NCOA1: variants seen among roughly 807,000 people sequenced by gnomAD.
NCOA1 encodes nuclear receptor coactivator 1, also known as Hin-2 protein.
Under a neutral mutation model 150.9 loss-of-function variants are expected in NCOA1, and 35 were observed. That is an observed-to-expected ratio of 0.23 (90% CI 0.18 to 0.31). NCOA1 has a LOEUF of 0.31. Ranked by LOEUF, NCOA1 falls within the 10% of genes least tolerant of loss-of-function variation. NCOA1 has a pLI of 1.00. For missense variants in NCOA1, 1,491 were observed against 1,749.3 expected (o/e 0.85, Z 2.63); for synonymous variants, 590 against 630.0 (o/e 0.94, Z 0.95).
At chr2:24,676,558 A>T (rs1671919098) in intron 7 of NCOA1, 2 of 152,900 alleles carry the variant, frequency 1.3e-5, no homozygotes, top group Admixed American at 1.3e-4. Flanking sequence ...GGAAACGCAA[A>T]AAGCCAGAGT....
intron 3 of NCOA1, among the ~76,000 whole-genome samples, chr2:24,628,725 T>G (rs1231321621): frequency 6.6e-6 from 1 of 152,056 alleles, no homozygotes; most frequent in African/African-American, 2.4e-5. Flanking sequence ...TGAATAGGAA[T>G]TGGATAGATG....
intron 1 of NCOA1, among the ~76,000 whole-genome samples, chr2:24,495,102 T>G (rs1458051224): frequency 7.8e-6 from 1 of 127,696 alleles, no homozygotes; most frequent in East Asian, 2.2e-4. Context: ...GTTTTTTTTT[T>G]GTTTTTTTTT....
At chr2:24,756,071 T>TAAAAAA (rs369987098) in intron 20 of NCOA1, among the ~76,000 whole-genome samples, 2 of 108,198 alleles carry the variant, frequency 1.8e-5, no homozygotes, top group Admixed American at 1.1e-4. Flanking sequence ...CCATCTCTAC[T>TAAAAAA]AAAAAAAAAA....
intron 1 of NCOA1, among the ~76,000 whole-genome samples, chr2:24,511,673 GTC>G (rs1377740756): frequency 6.6e-6 from 1 of 151,586 alleles, no homozygotes; most frequent in Non-Finnish European, 1.5e-5. Context: ...CCTGTAGTTT[GTC>G]TTTTTACTTT....
chr2:24,679,098 G>A (rs890368031), intron 7 of NCOA1, among the ~76,000 whole-genome samples: 1 of 152,188 alleles, frequency 6.6e-6, no homozygotes, highest in East Asian at 1.9e-4. Flanking sequence ...GAGAAGCCTT[G>A]GCTAATGTGA....
chr2:24,738,066 C>T (rs1663416064), intron 17 of NCOA1, among the ~76,000 whole-genome samples: 1 of 151,890 alleles, frequency 6.6e-6, no homozygotes, highest in South Asian at 2.1e-4. Context: ...TCCACAATGC[C>T]TTAGATTTGT....
intron 3 of NCOA1, among the ~76,000 whole-genome samples, chr2:24,620,241 A>G (rs1029519909): frequency 5.3e-5 from 8 of 152,168 alleles, no homozygotes; most frequent in Non-Finnish European, 1.0e-4. Context: ...TTTCATTACT[A>G]TTGCCAAACT....
rs1572484221 is a variant in NCOA1, at chr2:24,608,443, A to G, written c.-175+23883A>G. On this transcript the variant is annotated intron_variant, in intron 3 of 22. Coordinates refer to ENST00000348332, the MANE Select transcript of NCOA1 (RefSeq NM_003743.5). The stretch of plus-strand genomic sequence containing the variant: ...CTACAAGCACGTGCTAATTTTTTGT[A>G]TTTTTAGTAGAGATGGGGTTTCACC... 7.9e-5 allele frequency among the ~76,000 whole-genome samples: 12 copies of G among 151,154 alleles called. No homozygotes were observed. The South Asian group carries it at 2.5e-3, about 32-fold the overall frequency.
At chr2:24,595,048 G>A (rs1667832190) in intron 3 of NCOA1, among the ~76,000 whole-genome samples, 1 of 151,942 alleles carries the variant, frequency 6.6e-6, no homozygotes, top group Non-Finnish European at 1.5e-5. Flanking sequence ...TATTAGAATT[G>A]GGATTGATAT....
chr2:24,506,729 A>C (rs1393964902), intron 1 of NCOA1, among the ~76,000 whole-genome samples: 1 of 152,170 alleles, frequency 6.6e-6, no homozygotes, highest in Admixed American at 6.5e-5. Flanking sequence ...GTATGTATCC[A>C]CATACTCTGC....
At chr2:24,516,971 TATACAC>T (rs763588263) in intron 1 of NCOA1, among the ~76,000 whole-genome samples, 80 of 55,550 alleles carry the variant, frequency 1.4e-3, no homozygotes, top group African/African-American at 3.2e-3. Flanking sequence ...TATACGTATA[TATACAC>T]ATATACGTAT....
intron 19 of NCOA1, among the ~76,000 whole-genome samples, chr2:24,748,771 C>T (rs1167771179): frequency 6.6e-6 from 1 of 151,598 alleles, no homozygotes; most frequent in Non-Finnish European, 1.5e-5. Flanking sequence ...AAAAAAATTA[C>T]ATTAATAGTG....
At chr2:24,593,332 G>T (rs1027933877) in intron 3 of NCOA1, among the ~76,000 whole-genome samples, 1 of 151,974 alleles carries the variant, frequency 6.6e-6, no homozygotes, top group African/African-American at 2.4e-5. Flanking sequence ...TATATTGTGG[G>T]GAAAGCACAC....
rs377383572 is a variant in NCOA1, at chr2:24,697,836, A to C, written c.949+38A>C. On this transcript the variant is annotated intron_variant, in intron 11 of 22. Transcript: ENST00000348332. ...CTCTCAATTATTTTCATTAACCCTT[A>C]TCTTTACTGATATTTGAATAGTTCG... 80 of 1,566,326 alleles carry C rather than the reference A, an allele frequency of 5.1e-5. 1 individual carries two copies. The African/African-American group carries it at 6.0e-4, about 12-fold the overall frequency.
chr2:24,600,162 T>C (rs1182889654), intron 3 of NCOA1, among the ~76,000 whole-genome samples: 1 of 152,218 alleles, frequency 6.6e-6, no homozygotes, highest in Non-Finnish European at 1.5e-5. Flanking sequence ...CGTCAAAGTA[T>C]TGGGCATTTC....
intron 3 of NCOA1, among the ~76,000 whole-genome samples, chr2:24,612,399 G>T (rs1668668821): frequency 1.3e-5 from 2 of 152,028 alleles, no homozygotes; most frequent in Admixed American, 1.3e-4. Context: ...TATCTCACAG[G>T]TGTTCTCTGA....
chr2:24,751,944 T>C (rs1314097367), intron 19 of NCOA1, 38 bp from the exon 20 acceptor site: 2 of 1,553,232 alleles, frequency 1.3e-6, no homozygotes, highest in Admixed American at 3.8e-5. Context: ...AATAAATTTA[T>C]AGTGTATCAA....
intron 14 of NCOA1, among the ~76,000 whole-genome samples, chr2:24,714,050 CA>C (rs1673896304): frequency 6.6e-6 from 1 of 152,162 alleles, no homozygotes; most frequent in Non-Finnish European, 1.5e-5. Context: ...CCAGAACTCA[CA>C]CAAGATTGGA....
At position 24,726,570 on chromosome 2, in the gene NCOA1, C is replaced by T; in HGVS notation, c.2600-19C>T. Reference sequence around the variant, plus strand: ...CCTCCACTGAGATAATGACTTCTTACCTTTTCTTCTTAAATCAGGATTACC... The same window carrying T: ...CCTCCACTGAGATAATGACTTCTTATCTTTTCTTCTTAAATCAGGATTACC... On this transcript the variant is annotated intron_variant, in intron 14 of 22. Transcript: ENST00000348332. The T allele has an allele frequency of 6.6e-7, 1 of 1,526,514 alleles. No homozygotes were observed. The highest frequency in any genetic ancestry group is 9.0e-7 in the Non-Finnish European group (1 of 1,106,030). 94.6% of individuals were successfully genotyped at this position (1,526,514 alleles called of 1,614,324 possible). A position where few individuals can be genotyped will look rare whatever the true frequency, so the allele number is the denominator to read the frequency against.
Sources: allele counts gnomAD v4.1 joint callset (sites outside exome capture counted in the v4.1 genomes callset), GRCh38; gene constraint gnomAD v4.1.1; transcripts MANE v1.5; gene names NCBI Gene and HGNC (gene_info 2026-07-23, HGNC 2026-07-21).